The following TIMM23B variants were observed in gnomAD, a reference collection of about 807,000 sequenced individuals.
The protein encoded by TIMM23B is translocase of inner mitochondrial membrane 23 homolog B.
In TIMM23B, 27 loss-of-function variants were observed where a neutral mutation model predicts 27.3. That is an observed-to-expected ratio of 0.99 (90% confidence interval 0.73 to 1.36). TIMM23B has a LOEUF of 1.36. TIMM23B is among the 40% of genes most tolerant of loss of function. TIMM23B has a pLI of 0.00. For synonymous variants in TIMM23B, 73 were observed against 92.4 expected, an observed-to-expected ratio of 0.79 and a Z score of 1.21; for missense variants, 205 against 244.2, an observed-to-expected ratio of 0.84 and a Z score of 1.07.
intron 5 of TIMM23B, among the ~76,000 whole-genome samples, chr10:49,956,097 C>T (rs1410065811): frequency 1.6e-4 from 23 of 143,784 alleles, no homozygotes; most frequent in Non-Finnish European, 3.0e-4. Flanking sequence ...CTCTGTGTAC[C>T]CATTGTGGTA....
At chr10:49,947,123 C>A (rs1447862996) in intron 2 of TIMM23B, among the ~76,000 whole-genome samples, 2 of 152,124 alleles carry the variant, frequency 1.3e-5, no homozygotes, top group African/African-American at 4.8e-5. Flanking sequence ...AATGTTACCA[C>A]CAAATGGATT....
At chr10:49,956,426 CGTGTGTGTGT>C (rs1173703740) in intron 5 of TIMM23B, among the ~76,000 whole-genome samples, 9,240 of 113,922 alleles carry the variant, frequency 0.081, 763 homozygotes, top group African/African-American at 0.12. Flanking sequence ...ACTAGAAATA[CGTGTGTGTGT>C]GTGTGTGTGT....
chr10:49,956,268 A>T (rs1839717462), intron 5 of TIMM23B, among the ~76,000 whole-genome samples: 1 of 152,032 alleles, frequency 6.6e-6, no homozygotes, highest in Non-Finnish European at 1.5e-5. Flanking sequence ...TTTGAGAAAG[A>T]GTTTAAAAGT....
chr10:49,973,748 A>G lies in TIMM23B; in HGVS notation c.*684A>G, dbSNP rs74848419. 43,896 of 150,526 alleles carry G rather than the reference A, an allele frequency of 0.29. 6,811 individuals carry two copies. The highest frequency in any genetic ancestry group is 0.32 in the Non-Finnish European group (21,519 of 67,698). 9.3% of individuals were successfully genotyped at this position (150,526 alleles called of 1,614,324 possible). On this transcript the variant is annotated 3_prime_UTR_variant, in exon 7 of 7. Transcript: ENST00000651259. ...TGTGAATTTGGAAGTGTGTATGTGC[A>G]TAGTTGTGCTCAAGAATGTGTTGAT... is the stretch of plus-strand genomic sequence containing the variant.
At chr10:49,961,836 A>G (rs1240601902) in intron 6 of TIMM23B, among the ~76,000 whole-genome samples, 3 of 149,362 alleles carry the variant, frequency 2.0e-5, no homozygotes, top group Middle Eastern at 3.4e-3. Context: ...GCCTCAAGCA[A>G]TCCTCCCACC....
intron 5 of TIMM23B, among the ~76,000 whole-genome samples, chr10:49,956,413 T>C (rs1305808917): frequency 1.4e-5 from 2 of 142,352 alleles, no homozygotes; most frequent in African/African-American, 5.1e-5. Context: ...TATTTTTTCT[T>C]ATACTAGAAA....
intron 6 of TIMM23B, among the ~76,000 whole-genome samples, chr10:49,958,713 C>T (rs1303700801): frequency 1.3e-5 from 2 of 152,132 alleles, no homozygotes; most frequent in African/African-American, 4.8e-5. Flanking sequence ...TATAACCAAT[C>T]TCTGGAACTT....
chr10:49,959,312 A>G (rs1393591491), intron 6 of TIMM23B, among the ~76,000 whole-genome samples: 2 of 152,234 alleles, frequency 1.3e-5, no homozygotes, highest in Non-Finnish European at 2.9e-5. Context: ...ATATTAAACT[A>G]TCACAAGACA....
chr10:49,949,051 C>G (rs1399639332), intron 2 of TIMM23B, among the ~76,000 whole-genome samples: 176 of 152,060 alleles, frequency 1.2e-3, no homozygotes, highest in Non-Finnish European at 2.8e-4. Context: ...CCATGCCTGG[C>G]TAATTCTTTT....
chr10:49,950,370 T>C (rs1839487328), intron 2 of TIMM23B, among the ~76,000 whole-genome samples: 2 of 151,810 alleles, frequency 1.3e-5, no homozygotes, highest in East Asian at 1.9e-4. Context: ...ACATTCAGTA[T>C]ATTAACATAC....
In TIMM23B at chr10:49,949,926, C is replaced by T. The variant is rs1839470816; in HGVS notation, c.166-2200C>T. Among the ~76,000 whole-genome samples, 3 of 151,654 alleles carry T rather than the reference C, an allele frequency of 2.0e-5. No homozygotes were observed. In the South Asian group the frequency reaches 6.3e-4, roughly 32 times the overall value. On this transcript the variant is annotated intron_variant, in intron 2 of 6. Coordinates refer to ENST00000651259, the MANE Select transcript of TIMM23B (RefSeq NM_001290117.2). ...TCTGGAACTCCTGGGTTCAAGCAGT[C>T]CTCCCACCTTGGCCTCCCAAAGTGC...
intron 6 of TIMM23B, among the ~76,000 whole-genome samples, chr10:49,962,343 C>T (rs1234081071): frequency 2.0e-5 from 3 of 152,022 alleles, no homozygotes; most frequent in African/African-American, 7.2e-5. Flanking sequence ...GCTGGGATTA[C>T]AGATGCCCGC....
intron 6 of TIMM23B, among the ~76,000 whole-genome samples, chr10:49,969,217 G>C (rs1840305019): frequency 6.6e-6 from 1 of 152,192 alleles, no homozygotes; most frequent in Non-Finnish European, 1.5e-5. Flanking sequence ...CAGCACTTTG[G>C]GAAGCCAATG....
At chr10:49,969,504 G>T (rs1163811169) in intron 6 of TIMM23B, among the ~76,000 whole-genome samples, 6 of 150,816 alleles carry the variant, frequency 4.0e-5, no homozygotes, top group African/African-American at 1.5e-4. Context: ...GATTGCTTGA[G>T]CCCAGGAGTT....
At chr10:49,965,712 TAC>T (rs1225612894) in intron 6 of TIMM23B, among the ~76,000 whole-genome samples, 2 of 144,430 alleles carry the variant, frequency 1.4e-5, no homozygotes, top group African/African-American at 5.2e-5. Flanking sequence ...TGAAATGAAA[TAC>T]GAAATGCCGG....
intron 2 of TIMM23B, among the ~76,000 whole-genome samples, chr10:49,951,474 T>C (rs1230166775): frequency 6.6e-6 from 1 of 152,154 alleles, no homozygotes; most frequent in Non-Finnish European, 1.5e-5. Flanking sequence ...GCATTGACTC[T>C]TCAAAATTGG....
chr10:49,956,426 C>T (rs1481379871), intron 5 of TIMM23B, among the ~76,000 whole-genome samples: 4 of 113,966 alleles, frequency 3.5e-5, no homozygotes, highest in East Asian at 2.3e-4. Context: ...ACTAGAAATA[C>T]GTGTGTGTGT....
At chr10:49,965,149 G>C (rs1317522940) in intron 6 of TIMM23B, among the ~76,000 whole-genome samples, 1 of 151,660 alleles carries the variant, frequency 6.6e-6, no homozygotes, top group East Asian at 2.0e-4. Flanking sequence ...GTACCCAGGA[G>C]GTAGAGGTTG....
chr10:49,948,576 C>A (rs1212145239), intron 2 of TIMM23B, among the ~76,000 whole-genome samples: 138 of 152,240 alleles, frequency 9.1e-4, no homozygotes, highest in Non-Finnish European at 1.7e-3. Flanking sequence ...TATAAATGAA[C>A]CTTTAAAACT....
Sources: gnomAD v4.1 joint callset for allele counts (sites outside exome capture counted in the v4.1 genomes callset) on GRCh38, gnomAD v4.1.1 for gene constraint, MANE v1.5 for transcripts, NCBI Gene and HGNC (gene_info 2026-07-23, HGNC 2026-07-21) for gene names.